Variants in CAMTA1 observed in about 807,000 individuals in gnomAD.
The protein encoded by CAMTA1 is calmodulin binding transcription activator 1, also known as calmodulin-binding transcription activator 1.
In CAMTA1, 27 loss-of-function variants were observed where a neutral mutation model predicts 170.9. The observed-to-expected ratio is 0.16, with a 90% CI of 0.12 to 0.22. The LOEUF (loss-of-function observed/expected upper bound fraction) is 0.22, where lower values mean the gene tolerates loss of function less well. CAMTA1 is among the 10% of genes least tolerant of loss of function. The probability of loss-of-function intolerance (pLI) is 1.00; values close to 1 mark genes in which losing one functional copy is unlikely to be tolerated. For missense variants in CAMTA1, 1,619 were observed against 2,217.2 expected, an observed-to-expected ratio of 0.73 and a Z score of 5.42; for synonymous variants, 833 against 891.5, an observed-to-expected ratio of 0.93 and a Z score of 1.17.
intron 5 of CAMTA1, among the ~76,000 whole-genome samples, chr1:7,250,686 A>G (rs1485005817): frequency 6.6e-6 from 1 of 152,124 alleles, no homozygotes; most frequent in Non-Finnish European, 1.5e-5. Flanking sequence ...AATAGCACCA[A>G]ATGGCCTGTA....
rs147011258 is a variant in CAMTA1, at chr1:6,884,983, A to G, written c.234+59773A>G. ...TAATGAAAGCTTACTCATTACATAC[A>G]TTTTCTTAAACTCTCTTTATTCTAA... On this transcript the variant is annotated intron_variant, in intron 3 of 22. Transcript: ENST00000303635. Among the ~76,000 whole-genome samples, 562 of 152,314 alleles carry G rather than the reference A, an allele frequency of 3.7e-3. 5 individuals carry two copies. The highest frequency in any genetic ancestry group is 2.3e-3 in the Non-Finnish European group (154 of 68,032).
At chr1:7,101,835 AG>A (rs1477218990) in intron 4 of CAMTA1, among the ~76,000 whole-genome samples, 1 of 152,266 alleles carries the variant, frequency 6.6e-6, no homozygotes, top group Non-Finnish European at 1.5e-5. Flanking sequence ...GTACACATGT[AG>A]GCACATACAC....
At chr1:6,855,514 C>A (rs1661985075) in intron 3 of CAMTA1, among the ~76,000 whole-genome samples, 2 of 151,742 alleles carry the variant, frequency 1.3e-5, no homozygotes, top group African/African-American at 2.4e-5. Context: ...ACAGTCGGAT[C>A]TCCTGAGAAC....
intron 3 of CAMTA1, among the ~76,000 whole-genome samples, 172 bp from the exon 4 acceptor site, chr1:7,091,132 G>T (rs761921402): frequency 4.6e-5 from 7 of 152,102 alleles, no homozygotes; most frequent in Non-Finnish European, 8.8e-5. Flanking sequence ...GAATGGAAAG[G>T]CCTTAAAAAA....
chr1:7,078,309 C>T (rs1639576222), intron 3 of CAMTA1, among the ~76,000 whole-genome samples: 2 of 152,204 alleles, frequency 1.3e-5, no homozygotes, highest in African/African-American at 4.8e-5. Context: ...CTTTTAGGCT[C>T]TTCTGATTCT....
intron 6 of CAMTA1, among the ~76,000 whole-genome samples, chr1:7,492,450 C>T (rs907124947): frequency 3.3e-5 from 5 of 152,140 alleles, no homozygotes; most frequent in South Asian, 4.1e-4. Context: ...CACCAGCCCC[C>T]GGGCTGCTCA....
chr1:7,281,800 TGTGTGTGTGTG>T lies in CAMTA1; in HGVS notation c.438+32175_438+32185del, dbSNP rs1671550525. Among the ~76,000 whole-genome samples the T allele has an allele frequency of 5.7e-4, 4 of 7,066 alleles. No individual in the cohort carries two copies. The Admixed American group carries it at 6.6e-3, about 12-fold the overall frequency. 4.6% of individuals were successfully genotyped at this position (7,066 alleles called of 152,430 possible). A position where few individuals can be genotyped will look rare whatever the true frequency, so the allele number is the denominator to read the frequency against. On this transcript the variant is annotated intron_variant, in intron 5 of 22. Coordinates refer to ENST00000303635, the MANE Select transcript of CAMTA1 (RefSeq NM_015215.4). ...GTTGTTTATGGAAGGGGAAAGAAAT[TGTGTGTGTGTG>T]TGTGTGTGTGTGTGTGTGTGTGTGT...
chr1:7,639,812 A>G (rs1040988415), intron 6 of CAMTA1, among the ~76,000 whole-genome samples: 1 of 151,086 alleles, frequency 6.6e-6, no homozygotes, highest in Admixed American at 6.6e-5. Context: ...GCTGTTTGTC[A>G]GGGGAGAAGA....
chr1:7,619,433 G>A (rs946646807), intron 6 of CAMTA1, among the ~76,000 whole-genome samples: 3 of 152,132 alleles, frequency 2.0e-5, no homozygotes, highest in Admixed American at 6.5e-5. Context: ...CATAGCAGGT[G>A]TCACAAGGAA....
intron 1 of CAMTA1, among the ~76,000 whole-genome samples, chr1:6,818,353 C>T (rs370982077): frequency 3.2e-4 from 49 of 151,578 alleles, no homozygotes; most frequent in African/African-American, 1.2e-3. Flanking sequence ...AACAAACAAA[C>T]AAATAACAAC....
chr1:7,182,266 C>T (rs1316497155), intron 4 of CAMTA1, among the ~76,000 whole-genome samples: 1 of 152,024 alleles, frequency 6.6e-6, no homozygotes, highest in Non-Finnish European at 1.5e-5. Flanking sequence ...AGTGGCTGGG[C>T]ACAGTGGCTC....
intron 11 of CAMTA1, among the ~76,000 whole-genome samples, chr1:7,705,021 G>A (rs1446291453): frequency 6.8e-6 from 1 of 146,970 alleles, no homozygotes; most frequent in African/African-American, 2.5e-5. Flanking sequence ...GGCCGGGGGC[G>A]TGGTGCGCGG....
chr1:7,502,005 G>T (rs2094013342), intron 6 of CAMTA1, among the ~76,000 whole-genome samples: 8 of 152,254 alleles, frequency 5.3e-5, no homozygotes, highest in Admixed American at 4.6e-4. Flanking sequence ...GAAGCTAGGG[G>T]ATCCTCTGCC....
intron 3 of CAMTA1, among the ~76,000 whole-genome samples, chr1:6,930,025 C>T (rs1490606341): frequency 1.3e-5 from 2 of 152,138 alleles, no homozygotes. Flanking sequence ...TGTGGCGGGA[C>T]ATGGTGTTTT....
intron 6 of CAMTA1, among the ~76,000 whole-genome samples, chr1:7,587,954 A>T (rs180826341): frequency 2.6e-5 from 4 of 152,154 alleles, no homozygotes; most frequent in South Asian, 2.1e-4. Context: ...CTCGGCCCAG[A>T]TGGCAGCTGT....
intron 5 of CAMTA1, among the ~76,000 whole-genome samples, chr1:7,307,947 T>C (rs1675840539): frequency 6.6e-6 from 1 of 152,072 alleles, no homozygotes. Flanking sequence ...TTTAAACATT[T>C]AGTAAAATTT....
At chr1:6,809,437 T>A (rs892380523) in intron 1 of CAMTA1, among the ~76,000 whole-genome samples, 1 of 152,190 alleles carries the variant, frequency 6.6e-6, no homozygotes, top group African/African-American at 2.4e-5. Flanking sequence ...CCCTGCTTTT[T>A]TTCTTCATTG....
At chr1:7,555,927 A>T (rs949963969) in intron 6 of CAMTA1, among the ~76,000 whole-genome samples, 1 of 152,184 alleles carries the variant, frequency 6.6e-6, no homozygotes, top group African/African-American at 2.4e-5. Context: ...ATATGCAGCC[A>T]TGGTGAGGCT....
rs1029939324 is a variant in CAMTA1 at position 7,286,695 on chromosome 1, T to C, written c.438+37069T>C. On this transcript the variant is annotated intron_variant, in intron 5 of 22. Transcript: ENST00000303635. This position sits in a 1 kb window ranked among gnomAD's most constrained non-coding sequence, Gnocchi z 4.2. ...TGTTAGGCTAAGATTGTAAAGGGTC[T>C]TAAATGACCCCAAATATCCCTGCCT... Among the ~76,000 whole-genome samples, 1 of 152,214 alleles carries C rather than the reference T, an allele frequency of 6.6e-6. No homozygotes were observed. Among genetic ancestry groups the C allele is most frequent in the African/African-American group, 2.4e-5 (1 of 41,458 alleles).
Sources: allele counts gnomAD v4.1 joint callset (sites outside exome capture counted in the v4.1 genomes callset), GRCh38; gene constraint gnomAD v4.1.1; non-coding constraint Gnocchi (gnomAD v3.1); transcripts MANE v1.5; gene names NCBI Gene and HGNC (gene_info 2026-07-23, HGNC 2026-07-21).